TTLL11: variants seen among roughly 807,000 people sequenced by gnomAD.
TTLL11 encodes tubulin tyrosine ligase like 11.
Under a neutral mutation model 51.7 loss-of-function variants are expected in TTLL11, and 42 were observed. The ratio of observed to expected loss-of-function variants is 0.81; its 90% confidence interval spans 0.64 to 1.05. TTLL11 has a LOEUF of 1.05. TTLL11 is among the 50% of genes least tolerant of loss of function. The probability of loss-of-function intolerance (pLI) is 0.00; values close to 1 mark genes in which losing one functional copy is unlikely to be tolerated. For missense variants in TTLL11, 799 were observed against 940.4 expected (o/e 0.85, Z 1.97); for synonymous variants, 381 against 383.5 (o/e 0.99, Z 0.08).
intron 6 of TTLL11, among the ~76,000 whole-genome samples, chr9:121,948,438 G>A (rs761175151): frequency 3.3e-5 from 5 of 152,190 alleles, no homozygotes; most frequent in Non-Finnish European, 5.9e-5. Flanking sequence ...TTATAGAAAC[G>A]ATTTGTAGGT....
intron 8 of TTLL11, among the ~76,000 whole-genome samples, chr9:121,841,627 C>T (rs567079387): frequency 2.3e-4 from 35 of 152,248 alleles, no homozygotes; most frequent in African/African-American, 8.4e-4. Flanking sequence ...CATCTTTGCC[C>T]TGAGTCACGT....
chr9:121,929,232 G>A (rs1840867482), intron 6 of TTLL11, among the ~76,000 whole-genome samples: 1 of 152,056 alleles, frequency 6.6e-6, no homozygotes, highest in Admixed American at 6.5e-5. Context: ...ACAAGGTCAG[G>A]AGTTCAAGAC....
chr9:121,964,534 G>A (rs1425941288), intron 6 of TTLL11, among the ~76,000 whole-genome samples: 2 of 152,100 alleles, frequency 1.3e-5, no homozygotes, highest in South Asian at 2.1e-4. Flanking sequence ...CTGACTTCAT[G>A]TGATCCACCG....
In TTLL11 at chr9:121,953,589, C is replaced by T. The variant is rs549702060; in HGVS notation, c.1481+20420G>A. ...GGAGGTTTGCAGTGAGCTGAGATCGCGCTAATGCACTCCAGCCTGGGTGAC... is the reference window on the plus strand; with the variant it reads ...GGAGGTTTGCAGTGAGCTGAGATCGTGCTAATGCACTCCAGCCTGGGTGAC... On this transcript the variant is annotated intron_variant, in intron 6 of 8. Transcript: ENST00000321582. Among the ~76,000 whole-genome samples, 9 of 144,180 alleles carry T rather than the reference C, an allele frequency of 6.2e-5. No homozygotes were observed. In the East Asian group the frequency reaches 1.5e-3, roughly 23 times the overall value. 94.6% of individuals were successfully genotyped at this position (144,180 alleles called of 152,430 possible). A position where few individuals can be genotyped will look rare whatever the true frequency, so the allele number is the denominator to read the frequency against.
intron 6 of TTLL11, among the ~76,000 whole-genome samples, chr9:121,925,595 G>A (rs1840700043): frequency 6.6e-6 from 1 of 152,176 alleles, no homozygotes; most frequent in Admixed American, 6.5e-5. Flanking sequence ...CCTCAGCAAA[G>A]CCCTCCAGAC....
chr9:121,972,425 A>C (rs1282215989), intron 6 of TTLL11, among the ~76,000 whole-genome samples: 2 of 152,220 alleles, frequency 1.3e-5, no homozygotes, highest in Non-Finnish European at 2.9e-5. Flanking sequence ...TTTGGCTGCC[A>C]TCGGGTCTGA....
intron 1 of TTLL11, among the ~76,000 whole-genome samples, chr9:122,051,956 A>C (rs531996308): frequency 6.6e-6 from 1 of 152,334 alleles, no homozygotes; most frequent in African/African-American, 2.4e-5. Flanking sequence ...ATAGCACAGA[A>C]AAGTCCAGAA....
At chr9:121,823,685 G>A (rs142347153) in intron 8 of TTLL11, among the ~76,000 whole-genome samples, 9 of 152,326 alleles carry the variant, frequency 5.9e-5, no homozygotes, top group South Asian at 2.1e-4. Context: ...GTGTGCGTTT[G>A]TCAAAACTCA....
intron 6 of TTLL11, among the ~76,000 whole-genome samples, chr9:121,891,583 G>A (rs1839234336): frequency 6.6e-6 from 1 of 152,136 alleles, no homozygotes; most frequent in Non-Finnish European, 1.5e-5. Flanking sequence ...TCACATTTTG[G>A]CAGCATGCTC....
At chr9:122,028,105 C>A (rs1844407037) in intron 3 of TTLL11, among the ~76,000 whole-genome samples, 1 of 151,984 alleles carries the variant, frequency 6.6e-6, no homozygotes, top group South Asian at 2.1e-4. Context: ...GATACTAGGG[C>A]TAGGGTGAAA....
intron 1 of TTLL11, among the ~76,000 whole-genome samples, chr9:122,086,461 T>C (rs1846128999): frequency 6.6e-6 from 1 of 152,174 alleles, no homozygotes; most frequent in African/African-American, 2.4e-5. Flanking sequence ...GGGCAGTAAG[T>C]TGCAATGGCG....
chr9:121,852,234 G>A (rs1028789758), intron 8 of TTLL11, among the ~76,000 whole-genome samples: 1 of 152,226 alleles, frequency 6.6e-6, no homozygotes, highest in East Asian at 1.9e-4. Context: ...GATGGTGGTG[G>A]TTAGACAGAG....
At chr9:122,063,251 C>T (rs1312797094) in intron 1 of TTLL11, among the ~76,000 whole-genome samples, 3 of 152,026 alleles carry the variant, frequency 2.0e-5, no homozygotes, top group Non-Finnish European at 4.4e-5. Flanking sequence ...TACATTTTAC[C>T]TTGTGAGATT....
intron 8 of TTLL11, among the ~76,000 whole-genome samples, chr9:121,848,306 T>C (rs2131365235): frequency 6.6e-6 from 1 of 152,232 alleles, no homozygotes; most frequent in Non-Finnish European, 1.5e-5. Flanking sequence ...AATCTTATAG[T>C]TTAATGGAAA....
At chr9:122,049,009 GAA>G (rs760469977) in intron 1 of TTLL11, among the ~76,000 whole-genome samples, 5 of 138,090 alleles carry the variant, frequency 3.6e-5, no homozygotes, top group African/African-American at 2.6e-5. Flanking sequence ...ATTCGTGCCA[GAA>G]AAAAAAAAAA....
intron 6 of TTLL11, among the ~76,000 whole-genome samples, chr9:121,901,816 C>A (rs907929180): frequency 6.6e-6 from 1 of 152,166 alleles, no homozygotes; most frequent in East Asian, 1.9e-4. Flanking sequence ...GATGCTTGCA[C>A]GGAAACCCCA....
At chr9:121,978,661 C>T (rs900640421) in intron 4 of TTLL11, among the ~76,000 whole-genome samples, 1 of 152,164 alleles carries the variant, frequency 6.6e-6, no homozygotes, top group African/African-American at 2.4e-5. Flanking sequence ...TCACCTTCTA[C>T]TTGAGGGGCT....
intron 6 of TTLL11, among the ~76,000 whole-genome samples, chr9:121,897,640 A>ACACACGCG (rs111331446): frequency 2.0e-4 from 28 of 139,368 alleles, no homozygotes; most frequent in Non-Finnish European, 3.1e-5. Flanking sequence ...ACACACACAC[A>ACACACGCG]CGCGCGCGCG....
chr9:122,091,987 T>TG (rs1846270587), intron 1 of TTLL11, among the ~76,000 whole-genome samples: 1 of 152,200 alleles, frequency 6.6e-6, no homozygotes, highest in Non-Finnish European at 1.5e-5. Flanking sequence ...TTTATACCAC[T>TG]GATCATGAGG....
Sources: gnomAD v4.1 joint callset for allele counts (sites outside exome capture counted in the v4.1 genomes callset) on GRCh38, gnomAD v4.1.1 for gene constraint, MANE v1.5 for transcripts, NCBI Gene and HGNC (gene_info 2026-07-23, HGNC 2026-07-21) for gene names.